Variants in PALM3 observed in about 807,000 individuals in gnomAD.
PALM3 encodes the protein paralemmin-3.
In PALM3, 20 loss-of-function variants were observed where a neutral mutation model predicts 27.9. The ratio of observed to expected loss-of-function variants is 0.72; its 90% confidence interval spans 0.50 to 1.04. The LOEUF (loss-of-function observed/expected upper bound fraction) is 1.04, where lower values mean the gene tolerates loss of function less well. PALM3 is among the 50% of genes least tolerant of loss of function. The pLI, the probability that PALM3 is intolerant of heterozygous loss-of-function variation, is 0.00. For missense variants in PALM3, 814 were observed against 869.4 expected (o/e 0.94, Z 0.80); for synonymous variants, 328 against 352.7 (o/e 0.93, Z 0.79).
At chr19:14,059,608 T>C (rs1976382766) in intron 1 of PALM3, among the ~76,000 whole-genome samples, 1 of 152,092 alleles carries the variant, frequency 6.6e-6, no homozygotes, top group Admixed American at 6.6e-5. Flanking sequence ...CCATCTCCAG[T>C]CCAACCTGCA....
At position 14,062,049 on chromosome 19, in the gene PALM3, C is replaced by T. The variant is rs79208601; in HGVS notation, c.-69G>A. The stretch of plus-strand genomic sequence containing the variant: ...ACCACCCGCTTGCCTGAAGGTGCCC[C>T]GGAGGCTGTGACTTGGCTGCCTGGA... On this transcript the variant is annotated 5_prime_UTR_variant, in exon 1 of 7. Transcript: ENST00000669674. The T allele has an allele frequency of 5.6e-3, 5,344 of 956,110 alleles. 20 individuals are homozygous for T. Among genetic ancestry groups the T allele is most frequent in the Non-Finnish European group, 6.1e-3 (4,871 of 803,206 alleles). The allele number at this position is 956,110 out of a possible 1,614,324, so 59.2% of individuals were successfully genotyped here. A position where few individuals can be genotyped will look rare whatever the true frequency, so the allele number is the denominator to read the frequency against.
In PALM3 at chr19:14,053,861, CCTT is replaced by C. The variant is rs1394815726; in HGVS notation, c.1808_1810del (p.Glu603del). ...CTCAGCAGCGGTTTGGGGCTTCACT[CCTT>C]CCTCCTCCAGGGCTCCTACTGGCTT... On this transcript the variant is annotated inframe_deletion, in exon 7 of 7. Coordinates refer to ENST00000669674, the MANE Select transcript of PALM3 (RefSeq NM_001145028.2). 4.5e-6 allele frequency: 7 copies of C among 1,551,506 alleles called. No homozygotes were observed. In the South Asian group the frequency reaches 8.3e-5, roughly 18 times the overall value.
In PALM3 at chr19:14,054,876, C is replaced by T; in HGVS notation, c.796G>A (p.Ala266Thr). Residue 266 changes from alanine (A) to threonine (T), a missense_variant, in exon 7 of 7, where the codon GCC becomes ACC. Ala to Thr is a moderately conservative substitution (Grantham distance 58). Coordinates refer to ENST00000669674, the MANE Select transcript of PALM3 (RefSeq NM_001145028.2). ...EAKVEEVVLE[A>T]IGDRKGAGSL... Reference sequence around the variant, plus strand: ...CCAGCTCCCTTCCTGTCTCCGATGGCTTCCAGCACCACTTCCTCCACCTTA... The same window carrying T: ...CCAGCTCCCTTCCTGTCTCCGATGGTTTCCAGCACCACTTCCTCCACCTTA... The T allele has an allele frequency of 6.5e-7, 1 of 1,549,210 alleles. No individual in the cohort carries two copies. The highest frequency in any genetic ancestry group is 8.7e-7 in the Non-Finnish European group (1 of 1,146,692).
Position 14,056,706 on chromosome 19 carries a change from G to A in PALM3, c.270C>T (p.Gly90=). Reference sequence around the variant, plus strand: ...GGTTCCGGATTCGGGCCTGAGCCTGGCCCTCGGGTGACTGGGGGTCCTTCG... The same window carrying A: ...GGTTCCGGATTCGGGCCTGAGCCTGACCCTCGGGTGACTGGGGGTCCTTCG... ...PTSKDPQSPE[G]QAQARIRNLE... is the part of the protein sequence containing the mutation. The change falls in exon 4 of 7, where the codon GGC becomes GGT. Residue 90 remains glycine (G), a synonymous_variant. Coordinates refer to ENST00000669674, the MANE Select transcript of PALM3 (RefSeq NM_001145028.2). 1 of 1,551,766 alleles carries A rather than the reference G, an allele frequency of 6.4e-7. No homozygotes were observed. Among genetic ancestry groups the A allele is most frequent in the Non-Finnish European group, 8.7e-7 (1 of 1,146,990 alleles).
At chr19:14,058,763 CAAGG>C (rs1976363981) in intron 2 of PALM3, among the ~76,000 whole-genome samples, 1 of 151,786 alleles carries the variant, frequency 6.6e-6, no homozygotes, top group African/African-American at 2.4e-5. Context: ...TGAAAGTTCC[CAAGG>C]AAGGACTGTC....
rs778172146 is a variant in PALM3, at chr19:14,054,193, C to T, written c.1479G>A (p.Glu493=). The T allele has an allele frequency of 5.2e-6, 8 of 1,551,868 alleles. No individual in the cohort carries two copies. The highest frequency in any genetic ancestry group is 1.4e-5 in the African/African-American group (1 of 72,926). The change falls in exon 7 of 7, where the codon GAG becomes GAA. Residue 493 remains glutamate (E), a synonymous_variant. Coordinates refer to ENST00000669674, the MANE Select transcript of PALM3 (RefSeq NM_001145028.2). Reference sequence around the variant, plus strand: ...CCAATGGTTCTTCTACCTCCTCCTCCTCTGCCCCTCGCTTTTCCTCATCTC... The same window carrying T: ...CCAATGGTTCTTCTACCTCCTCCTCTTCTGCCCCTCGCTTTTCCTCATCTC... The part of the protein sequence containing the change: ...KEGDEEKRGA[E]EEEVEEPLGV...
intron 4 of PALM3, 64 bp downstream of exon 4, chr19:14,056,598 C>T: frequency 6.4e-7 from 1 of 1,551,242 alleles, no homozygotes; most frequent in Non-Finnish European, 8.7e-7. Context: ...TTGGAATGTG[C>T]CCAGGGTCTC....
Position 14,053,906 on chromosome 19 carries a change from C to A in PALM3, c.1766G>T (p.Gly589Val). ...TACTGGCTTCTCCTGGGGCTGGGGT[C>A]CTTCCTTCTCTGGCCTTGTCTCCGT... ...ANTETRPEKEGPQPQEKPVGA... is the reference protein window; with the variant it reads ...ANTETRPEKEVPQPQEKPVGA... The change falls in exon 7 of 7, where the codon GGA becomes GTA. Residue 589 changes from glycine (G) to valine (V), a missense_variant. Physicochemically the swap from Gly to Val is moderately radical, Grantham distance 109. Transcript: ENST00000669674. 1 of 1,550,844 alleles carries A rather than the reference C, an allele frequency of 6.4e-7. No homozygotes were observed. Among genetic ancestry groups the A allele is most frequent in the Non-Finnish European group, 8.7e-7 (1 of 1,146,510 alleles).
At chr19:14,061,871 GGCCA>G in intron 1 of PALM3, 65 bp downstream of exon 1, 1 of 939,072 alleles carries the variant, frequency 1.1e-6, no homozygotes, top group Non-Finnish European at 1.3e-6. Flanking sequence ...TCCCAGACAA[GGCCA>G]GCATCCCCCA....
chr19:14,059,272 T>C, intron 1 of PALM3, 109 bp from the exon 2 acceptor site: 2 of 1,087,058 alleles, frequency 1.8e-6, no homozygotes, highest in Non-Finnish European at 2.5e-6. Flanking sequence ...ACTTTGCCTC[T>C]GTTTCCCCTT....
In PALM3 at chr19:14,053,925, T is replaced by C. The variant is rs1976238388; in HGVS notation, c.1747A>G (p.Thr583Ala). The change falls in exon 7 of 7, where the codon ACA becomes GCA. Residue 583 changes from threonine (T) to alanine (A), a missense_variant. Transcript: ENST00000669674. The part of the protein sequence containing the change: ...AGPPLEANTE[T>A]RPEKEGPQPQ... The stretch of plus-strand genomic sequence containing the variant: ...TGGGGTCCTTCCTTCTCTGGCCTTG[T>C]CTCCGTGTTAGCCTCAAGGGGAGGC... 6.4e-7 allele frequency: 1 copy of C among 1,551,476 alleles called. No individual in the cohort carries two copies. Among genetic ancestry groups the C allele is most frequent in the African/African-American group, 1.4e-5 (1 of 72,996 alleles).
chr19:14,055,210 G>C lies in PALM3; in HGVS notation c.462C>G (p.Asn154Lys). 2.0e-6 allele frequency: 3 copies of C among 1,518,434 alleles called. No homozygotes were observed. The highest frequency in any genetic ancestry group is 1.8e-6 in the Non-Finnish European group (2 of 1,136,392). The allele number at this position is 1,518,434 out of a possible 1,614,324, so 94.1% of individuals were successfully genotyped here. ...EAGSVGQTDLNKRASLPAGLV... is the reference protein window; with the variant it reads ...EAGSVGQTDLKKRASLPAGLV... ...GTCCAGCCGGCAGGGAGGCTCTCTT[G>C]TTCAGATCAGTCTGGCCTGGGGGAG... The change falls in exon 7 of 7, where the codon AAC becomes AAG. Residue 154 changes from asparagine (N) to lysine (K), a missense_variant. Asn to Lys is a moderately conservative substitution (Grantham distance 94). Coordinates refer to ENST00000669674, the MANE Select transcript of PALM3 (RefSeq NM_001145028.2).
At position 14,054,081 on chromosome 19, in the gene PALM3, C is replaced by T. The variant is rs1327166701; in HGVS notation, c.1591G>A (p.Glu531Lys). The change falls in exon 7 of 7, where the codon GAG (glutamate) becomes AAG (lysine). Residue 531 changes from glutamate to lysine, a missense_variant. Glu to Lys is a moderately conservative substitution (Grantham distance 56, BLOSUM62 1). Coordinates refer to ENST00000669674, the MANE Select transcript of PALM3 (RefSeq NM_001145028.2). ...AERKGGEETL[E>K]AEKRGGEESL... is the part of the protein sequence containing the mutation. ...TCCTCACCTCCCCTTTTCTCTGCCT[C>T]CAGTGTCTCCTCCCCTCCCTTTCTC... 1.3e-6 allele frequency: 2 copies of T among 1,551,758 alleles called. No homozygotes were observed. The highest frequency in any genetic ancestry group is 1.4e-5 in the African/African-American group (1 of 73,060).
chr19:14,059,047 G>A, intron 2 of PALM3, 68 bp downstream of exon 2: 2 of 1,392,022 alleles, frequency 1.4e-6, no homozygotes, highest in East Asian at 3.0e-5. Context: ...CAGAGATGAC[G>A]GAGAGACGAG....
At position 14,053,627 on chromosome 19, in the gene PALM3, C is replaced by T; in HGVS notation, c.2045G>A (p.Cys682Tyr). ...EEASGPKQKTCQCCAVM is the reference protein window; with the variant it reads ...EEASGPKQKTYQCCAVM Reference sequence around the variant, plus strand: ...GGTTCACATGACCGCACAACACTGGCACGTCTTTTGCTTAGGGCCACTTGC... The same window carrying T: ...GGTTCACATGACCGCACAACACTGGTACGTCTTTTGCTTAGGGCCACTTGC... Residue 682 changes from cysteine to tyrosine, a missense_variant, in exon 7 of 7, where the codon TGC (cysteine) becomes TAC (tyrosine). By Grantham distance (194) the Cys-to-Tyr change is radical (BLOSUM62 -2). Transcript: ENST00000669674. The T allele has an allele frequency of 6.8e-7, 1 of 1,459,966 alleles. No individual in the cohort carries two copies. The highest frequency in any genetic ancestry group is 9.1e-7 in the Non-Finnish European group (1 of 1,104,884). 90.4% of individuals were successfully genotyped at this position (1,459,966 alleles called of 1,614,324 possible). A position where few individuals can be genotyped will look rare whatever the true frequency, so the allele number is the denominator to read the frequency against.
intron 2 of PALM3, chr19:14,057,634 G>C (rs1976332607): frequency 3.9e-6 from 1 of 254,390 alleles, no homozygotes; most frequent in South Asian, 1.8e-4. Context: ...AGCGGCGGGC[G>C]GAGTGGGGGG....
At position 14,059,043 on chromosome 19, in the gene PALM3, T is replaced by G. The variant is rs901709869; in HGVS notation, c.90+72A>C. The G allele has an allele frequency of 3.7e-6, 5 of 1,365,488 alleles. No individual in the cohort carries two copies. The African/African-American group carries it at 7.7e-5, about 21-fold the overall frequency. The allele number at this position is 1,365,488 out of a possible 1,614,324, so 84.6% of individuals were successfully genotyped here. ...GAGCTGAGGGCGCTCTCCGCAGAGA[T>G]GACGGAGAGACGAGAAGGGAGCATG... On this transcript the variant is annotated intron_variant, in intron 2 of 6. Transcript: ENST00000669674.
chr19:14,057,304 C>G, intron 3 of PALM3, 47 bp downstream of exon 3: 1 of 1,451,448 alleles, frequency 6.9e-7, no homozygotes. Context: ...ACAGACACCC[C>G]CCACTCCATT....
intron 2 of PALM3, among the ~76,000 whole-genome samples, chr19:14,058,055 C>T (rs1300698377): frequency 1.3e-5 from 2 of 152,026 alleles, no homozygotes; most frequent in Non-Finnish European, 2.9e-5. Context: ...TTGCAGTGAG[C>T]GGAGATCGCG....
Sources: allele counts gnomAD v4.1 joint callset (sites outside exome capture counted in the v4.1 genomes callset), GRCh38; gene constraint gnomAD v4.1.1; transcripts MANE v1.5; gene names NCBI Gene and HGNC (gene_info 2026-07-23, HGNC 2026-07-21).